Variants in WWOX observed in about 807,000 individuals in gnomAD.
WWOX encodes WW domain-containing oxidoreductase.
In WWOX, 69 loss-of-function variants were observed where a neutral mutation model predicts 46.2. That is an observed-to-expected ratio of 1.49 (90% CI 1.23 to 1.82). WWOX has a LOEUF of 1.82. WWOX is among the 40% of genes most tolerant of loss of function. The pLI is 0.00. For synonymous variants in WWOX, 359 were observed against 202.6 expected (o/e 1.77, Z -6.56); for missense variants, 919 against 542.6 (o/e 1.69, Z -6.89).
At chr16:78,173,958 TGA>T (rs111730428) in intron 5 of WWOX, among the ~76,000 whole-genome samples, 48 of 145,478 alleles carry the variant, frequency 3.3e-4, no homozygotes, top group Middle Eastern at 3.6e-3. Context: ...TGAGAGGAAT[TGA>T]GAGAGAGAGA....
chr16:78,695,162 T>C (rs543193648), intron 8 of WWOX, among the ~76,000 whole-genome samples: 4 of 152,200 alleles, frequency 2.6e-5, no homozygotes, highest in African/African-American at 7.2e-5. Flanking sequence ...ATATGAACAT[T>C]TGTTGTCAAA....
intron 8 of WWOX, among the ~76,000 whole-genome samples, chr16:78,642,001 G>A (rs970783250): frequency 1.3e-5 from 2 of 152,114 alleles, no homozygotes; most frequent in Admixed American, 6.5e-5. Context: ...AATGCAAAGA[G>A]GGGGAAAAAG....
At chr16:78,823,445 G>A (rs1036752686) in intron 8 of WWOX, among the ~76,000 whole-genome samples, 3 of 152,146 alleles carry the variant, frequency 2.0e-5, no homozygotes, top group African/African-American at 4.8e-5. Context: ...AGTCATCATC[G>A]CTTATCATCA....
chr16:78,879,005 T>C (rs1015569963), intron 8 of WWOX, among the ~76,000 whole-genome samples: 1 of 151,496 alleles, frequency 6.6e-6, no homozygotes, highest in African/African-American at 2.4e-5. Context: ...AATTTGAGGT[T>C]GCAGTGAGCT....
intron 5 of WWOX, among the ~76,000 whole-genome samples, chr16:78,192,610 A>C (rs2035918860): frequency 6.6e-6 from 1 of 152,060 alleles, no homozygotes; most frequent in Admixed American, 6.5e-5. Flanking sequence ...TACAATAAAT[A>C]CTTTGTAATG....
intron 5 of WWOX, among the ~76,000 whole-genome samples, chr16:78,259,766 A>T (rs2038229556): frequency 6.6e-6 from 1 of 151,528 alleles, no homozygotes; most frequent in East Asian, 1.9e-4. Context: ...CTCTATCAAA[A>T]GTTTTATAAA....
intron 8 of WWOX, among the ~76,000 whole-genome samples, chr16:78,723,008 C>T (rs1330982672): frequency 6.6e-6 from 1 of 152,084 alleles, no homozygotes; most frequent in Admixed American, 6.5e-5. Flanking sequence ...CACTGGAGCA[C>T]TCCAGCCTGG....
At chr16:78,551,665 G>A (rs1369549241) in intron 8 of WWOX, 2 of 80,190 alleles carry the variant, frequency 2.5e-5, no homozygotes, top group African/African-American at 9.6e-5. Flanking sequence ...ACCTGCCCCC[G>A]CCCCGTTTCT....
chr16:78,241,401 G>A (rs11863747), intron 5 of WWOX, among the ~76,000 whole-genome samples: 21,551 of 151,936 alleles, frequency 0.14, 1,642 homozygotes, highest in East Asian at 0.29. Context: ...GATGATGATT[G>A]TGGTTGCTGT....
intron 8 of WWOX, among the ~76,000 whole-genome samples, chr16:78,448,833 A>G (rs989349050): frequency 1.3e-5 from 2 of 152,012 alleles, no homozygotes; most frequent in Non-Finnish European, 2.9e-5. Context: ...GATCATTGTC[A>G]TGGTGATTGT....
chr16:78,599,747 T>C (rs978722346), intron 8 of WWOX, among the ~76,000 whole-genome samples: 5 of 152,064 alleles, frequency 3.3e-5, no homozygotes, highest in Non-Finnish European at 5.9e-5. Context: ...GGGAGAATTG[T>C]TACCCCCGGG....
chr16:79,001,418 G>A (rs755920398), intron 8 of WWOX, among the ~76,000 whole-genome samples: 1 of 152,174 alleles, frequency 6.6e-6, no homozygotes, highest in Non-Finnish European at 1.5e-5. Context: ...CATGTAACTC[G>A]AGTGTTCTGT....
At chr16:79,105,525 T>G (rs2049290573) in intron 8 of WWOX, among the ~76,000 whole-genome samples, 1 of 152,214 alleles carries the variant, frequency 6.6e-6, no homozygotes, top group African/African-American at 2.4e-5. Flanking sequence ...TTTAAATCTG[T>G]GTATTTAGAT....
At chr16:78,944,334 C>T (rs543828325) in intron 8 of WWOX, among the ~76,000 whole-genome samples, 34 of 152,250 alleles carry the variant, frequency 2.2e-4, no homozygotes, top group African/African-American at 8.2e-4. Context: ...GTTTTATGTA[C>T]CATGCTGTGA....
intron 8 of WWOX, chr16:78,891,565 A>C (rs1254938646): frequency 1.3e-5 from 2 of 152,240 alleles, no homozygotes; most frequent in Non-Finnish European, 1.5e-5. Flanking sequence ...CCTTTAAATT[A>C]AATTCTCTGT....
chr16:79,128,508 C>T (rs1166386202), intron 8 of WWOX, among the ~76,000 whole-genome samples: 2 of 152,116 alleles, frequency 1.3e-5, no homozygotes, highest in African/African-American at 4.8e-5. Flanking sequence ...AATAACTTGG[C>T]CAAGGTCACA....
In WWOX at chr16:78,115,138, A is replaced by G. The variant is rs2032714061; in HGVS notation, c.393A>G (p.Gly131=). The G allele has an allele frequency of 6.2e-7, 1 of 1,614,076 alleles. No individual in the cohort carries two copies. ...DFTGKVVVVT[G]ANSGIGFETA... ...CTGGCAAAGTGGTTGTGGTCACTGG[A>G]GCTAATTCAGGAATAGGTAGGCTCT... is the stretch of plus-strand genomic sequence containing the variant. The change falls in exon 4 of 9, where the codon GGA becomes GGG. Residue 131 remains glycine (G), a synonymous_variant. Coordinates refer to ENST00000566780, the MANE Select transcript of WWOX (RefSeq NM_016373.4).
At chr16:79,029,588 C>G (rs548466554) in intron 8 of WWOX, among the ~76,000 whole-genome samples, 5 of 152,272 alleles carry the variant, frequency 3.3e-5, no homozygotes, top group African/African-American at 1.2e-4. Context: ...TCTATATCCT[C>G]CTCCTACCCC....
intron 8 of WWOX, among the ~76,000 whole-genome samples, chr16:78,620,026 T>G (rs149609112): frequency 1.3e-3 from 196 of 152,318 alleles, no homozygotes; most frequent in African/African-American, 4.6e-3. Flanking sequence ...GAGACTAATC[T>G]CTAACGTCAG....
Sources: allele counts gnomAD v4.1 joint callset (sites outside exome capture counted in the v4.1 genomes callset), GRCh38; gene constraint gnomAD v4.1.1; transcripts MANE v1.5; gene names NCBI Gene and HGNC (gene_info 2026-07-23, HGNC 2026-07-21).